Variants in DOCK10 observed in about 807,000 individuals in gnomAD.
DOCK10 encodes dedicator of cytokinesis protein 10.
A neutral mutation model predicts 280.1 loss-of-function variants in DOCK10; 145 were observed. The ratio of observed to expected loss-of-function variants is 0.52; its 90% CI spans 0.45 to 0.59. The LOEUF (loss-of-function observed/expected upper bound fraction) is 0.59, where lower values mean the gene tolerates loss of function less well. DOCK10 is among the 20% of genes least tolerant of loss of function. The pLI, the probability that DOCK10 is intolerant of heterozygous loss-of-function variation, is 0.00. For synonymous variants in DOCK10, 915 were observed against 942.2 expected (o/e 0.97, Z 0.53); for missense variants, 2,368 against 2,651.7 (o/e 0.89, Z 2.35).
chr2:224,912,898 C>T (rs577108144), intron 3 of DOCK10, among the ~76,000 whole-genome samples: 10 of 152,096 alleles, frequency 6.6e-5, no homozygotes, highest in Admixed American at 1.3e-4. Context: ...TGGTGGTGGG[C>T]GCCTGCAATC....
At chr2:224,873,505 C>G (rs1422118211) in intron 11 of DOCK10, among the ~76,000 whole-genome samples, 1 of 146,728 alleles carries the variant, frequency 6.8e-6, no homozygotes, top group Non-Finnish European at 1.5e-5. Context: ...CGCTTGAGCC[C>G]TGGAAGCTGC....
At chr2:224,809,697 G>C (rs1053388987) in intron 31 of DOCK10, among the ~76,000 whole-genome samples, 1 of 152,064 alleles carries the variant, frequency 6.6e-6, no homozygotes, top group South Asian at 2.1e-4. Flanking sequence ...TTATCAGAAA[G>C]TCAAATGAGA....
At chr2:224,823,102 C>A (rs1462637746) in intron 28 of DOCK10, among the ~76,000 whole-genome samples, 1 of 151,274 alleles carries the variant, frequency 6.6e-6, no homozygotes, top group Non-Finnish European at 1.5e-5. Context: ...ATTCTCCTGC[C>A]TCAGCCTCCC....
intron 1 of DOCK10, among the ~76,000 whole-genome samples, chr2:224,959,026 T>C (rs1489543367): frequency 1.3e-5 from 2 of 152,242 alleles, no homozygotes; most frequent in Non-Finnish European, 2.9e-5. Context: ...AAAAGATCTT[T>C]GGCAGCATTT....
chr2:224,807,720 G>T lies in DOCK10; in HGVS notation c.3650C>A (p.Pro1217Gln). Residue 1217 changes from proline (P) to glutamine (Q), a missense_variant, in exon 33 of 56, where the codon CCA becomes CAA. Around this residue, in one of 2 missense-constraint regions of DOCK10, gnomAD observed 1,159 missense variants for 1,400.8 expected, o/e 0.83. Coordinates refer to ENST00000258390, the MANE Select transcript of DOCK10 (RefSeq NM_014689.3). ...ATACAGGTCCTTCAGATAAATCCTTGGCATATTGTCCAGGAGCATGCCGTA... is the reference window on the plus strand; with the variant it reads ...ATACAGGTCCTTCAGATAAATCCTTTGCATATTGTCCAGGAGCATGCCGTA... ...PLYGMLLDNM[P>Q]RIYLKDLYPF... is the part of the protein sequence containing the mutation. 3 of 1,573,662 alleles carry T rather than the reference G, an allele frequency of 1.9e-6. No individual in the cohort carries two copies. The highest frequency in any genetic ancestry group is 2.6e-6 in the Non-Finnish European group (3 of 1,158,006).
intron 1 of DOCK10, among the ~76,000 whole-genome samples, chr2:224,963,074 AGCTGAGTGGTG>A (rs1704540811): frequency 6.6e-6 from 1 of 152,172 alleles, no homozygotes; most frequent in East Asian, 1.9e-4. Flanking sequence ...CTGTTGTCCA[AGCTGAGTGGTG>A]GCTGAACCCT....
At chr2:224,876,554 T>C (rs1698643835) in intron 7 of DOCK10, among the ~76,000 whole-genome samples, 1 of 152,226 alleles carries the variant, frequency 6.6e-6, no homozygotes, top group Non-Finnish European at 1.5e-5. Context: ...TCTCACCTTA[T>C]ATTCTGTGAT....
In DOCK10 at chr2:225,038,266, C is replaced by A. The variant is rs540253575; in HGVS notation, c.123+3986G>T. ...TGACTTTTGGGAAATTCCAGTATCC[C>A]CCACTCAATTAAAAAAAAAAAAATC... is the stretch of plus-strand genomic sequence containing the variant. On this transcript the variant is annotated intron_variant, in intron 1 of 55. Transcript: ENST00000258390. 4.2e-3 allele frequency among the ~76,000 whole-genome samples: 467 copies of A among 111,816 alleles called. 1 individual carries two copies. Among genetic ancestry groups the A allele is most frequent in the Non-Finnish European group, 7.0e-3 (330 of 47,188 alleles). 73.4% of individuals were successfully genotyped at this position (111,816 alleles called of 152,430 possible). A position where few individuals can be genotyped will look rare whatever the true frequency, so the allele number is the denominator to read the frequency against.
intron 52 of DOCK10, 37 bp downstream of exon 52, chr2:224,774,868 C>G: frequency 8.4e-6 from 13 of 1,549,482 alleles, no homozygotes; most frequent in Non-Finnish European, 1.1e-5. Flanking sequence ...TGTGCTGGAA[C>G]AGGTGCCACA....
At chr2:224,893,652 G>A (rs1415599285) in intron 4 of DOCK10, 5 of 453,428 alleles carry the variant, frequency 1.1e-5, no homozygotes, top group South Asian at 1.7e-5. Context: ...ATGGACCCTC[G>A]CTTAAAAATA....
At chr2:224,820,216 C>G (rs1694420050) in intron 28 of DOCK10, among the ~76,000 whole-genome samples, 1 of 152,206 alleles carries the variant, frequency 6.6e-6, no homozygotes. Flanking sequence ...TACTACCTTT[C>G]TTATTCTGTG....
chr2:224,896,485 G>C, intron 3 of DOCK10, 108 bp from the exon 4 acceptor site: 1 of 592,452 alleles, frequency 1.7e-6, no homozygotes, highest in Non-Finnish European at 2.8e-6. Flanking sequence ...GAGGCGGGTA[G>C]ATCACCTGAG....
Position 225,014,081 on chromosome 2 carries a change from A to ATATATTTTTTTTTTTTTTTTTTT in DOCK10, c.123+28170_123+28171insAAAAAAAAAAAAAAAAAAATATA, listed in dbSNP as rs776104946. ...AAAAAATCCCCAGAAGTCTGAATAT[A>ATATATTTTTTTTTTTTTTTTTTT]TTGTTTTTTTTTTTTTGTTTTTTTT... is the stretch of plus-strand genomic sequence containing the variant. On this transcript the variant is annotated intron_variant, in intron 1 of 55. Transcript: ENST00000258390. 6.2e-5 allele frequency among the ~76,000 whole-genome samples: 6 copies of ATATATTTTTTTTTTTTTTTTTTT among 96,798 alleles called. 1 individual carries two copies. Among genetic ancestry groups the ATATATTTTTTTTTTTTTTTTTTT allele is most frequent in the African/African-American group, 4.7e-5 (1 of 21,322 alleles). The allele number at this position is 96,798 out of a possible 152,430, so 63.5% of individuals were successfully genotyped here.
intron 45 of DOCK10, 37 bp downstream of exon 45, chr2:224,794,832 TAAAGAGGACA>T: frequency 6.3e-7 from 1 of 1,587,074 alleles, no homozygotes; most frequent in East Asian, 2.2e-5. Flanking sequence ...ATTTTCCTGA[TAAAGAGGACA>T]ATACTGATGG....
intron 26 of DOCK10, among the ~76,000 whole-genome samples, chr2:224,833,704 T>C (rs1695401844): frequency 1.3e-5 from 2 of 152,156 alleles, no homozygotes; most frequent in African/African-American, 4.8e-5. Flanking sequence ...TGGAGTGCAA[T>C]GGCATGATCT....
intron 27 of DOCK10, among the ~76,000 whole-genome samples, chr2:224,826,857 G>T (rs113733901): frequency 0.015 from 2,295 of 152,120 alleles, 52 homozygotes; most frequent in African/African-American, 0.052. Flanking sequence ...CAGCTACTAG[G>T]GATGCTGAGG....
At chr2:224,889,863 C>T (rs1357632433) in intron 4 of DOCK10, among the ~76,000 whole-genome samples, 1 of 152,208 alleles carries the variant, frequency 6.6e-6, no homozygotes, top group Admixed American at 6.5e-5. Flanking sequence ...TCCCCCACTC[C>T]TGTGAGAGGT....
chr2:224,793,374 T>C lies in DOCK10; in HGVS notation c.5212+26A>G, dbSNP rs773798481. Reference sequence around the variant, plus strand: ...TTCAATGTGTTGATATCTAGGCTTTTTGCCTCCCTCATGTGGTCATCTTAC... The same window carrying C: ...TTCAATGTGTTGATATCTAGGCTTTCTGCCTCCCTCATGTGGTCATCTTAC... On this transcript the variant is annotated intron_variant, in intron 46 of 55. Transcript: ENST00000258390. 33 of 1,594,496 alleles carry C rather than the reference T, an allele frequency of 2.1e-5. No individual in the cohort carries two copies. The African/African-American group carries it at 4.3e-4, about 21-fold the overall frequency.
At chr2:224,840,331 G>A in intron 23 of DOCK10, 1 of 263,344 alleles carries the variant, frequency 3.8e-6, no homozygotes, top group Non-Finnish European at 7.2e-6. Flanking sequence ...TTACTCCATT[G>A]AATGGAGGAA....
Sources: allele counts gnomAD v4.1 joint callset (sites outside exome capture counted in the v4.1 genomes callset), GRCh38; gene constraint gnomAD v4.1.1; regional missense constraint gnomAD v4.1.1; transcripts MANE v1.5; gene names NCBI Gene and HGNC (gene_info 2026-07-23, HGNC 2026-07-21).